Variants in KLHL13 observed in about 807,000 individuals in gnomAD.
The protein encoded by KLHL13 is kelch like family member 13.
In KLHL13, 10 loss-of-function variants were observed where a neutral mutation model predicts 37.1. The ratio of observed to expected loss-of-function variants is 0.27; its 90% CI spans 0.17 to 0.46. The LOEUF (loss-of-function observed/expected upper bound fraction) is 0.46. Among genes scored for constraint, KLHL13 ranks in the 20% least tolerant of loss-of-function variants. KLHL13 has a pLI of 1.00. For synonymous variants in KLHL13, 163 were observed against 181.2 expected, an observed-to-expected ratio of 0.90 and a Z score of 0.81; for missense variants, 360 against 509.3, an observed-to-expected ratio of 0.71 and a Z score of 2.82.
At chrX:118,098,199 C>G (rs2055236514) in intron 1 of KLHL13, among the ~76,000 whole-genome samples, 1 of 111,743 alleles carries the variant, frequency 8.9e-6, no homozygotes, top group African/African-American at 3.3e-5. Flanking sequence ...GGGCTAATAT[C>G]CAGAATCTAC....
At chrX:117,954,012 T>C (rs187800726) in intron 1 of KLHL13, among the ~76,000 whole-genome samples, 34 of 111,557 alleles carry the variant, frequency 3.0e-4, no homozygotes, top group Admixed American at 3.0e-3. Flanking sequence ...AAAGAACACA[T>C]TCTGAACTCT....
intron 1 of KLHL13, among the ~76,000 whole-genome samples, chrX:118,067,942 G>A (rs1004520092): frequency 1.8e-5 from 2 of 111,908 alleles, no homozygotes; most frequent in African/African-American, 6.5e-5. Context: ...CAAGTATTAT[G>A]TACTATATAT....
intron 2 of KLHL13, among the ~76,000 whole-genome samples, chrX:117,927,830 G>A (rs959519978): frequency 2.1e-4 from 24 of 111,666 alleles, no homozygotes; most frequent in African/African-American, 7.5e-4. Context: ...TAGGGATGGT[G>A]GTGGGTATAA....
At chrX:117,905,411 C>T (rs1323495962) in intron 5 of KLHL13, among the ~76,000 whole-genome samples, 2 of 111,307 alleles carry the variant, frequency 1.8e-5, no homozygotes, top group Non-Finnish European at 3.8e-5. Context: ...TAAGCCTCCC[C>T]TAGTTTCCCA....
At chrX:118,021,545 C>T (rs1156868360) in intron 1 of KLHL13, among the ~76,000 whole-genome samples, 5 of 109,921 alleles carry the variant, frequency 4.5e-5, no homozygotes, top group Non-Finnish European at 9.5e-5. Flanking sequence ...CAGCTTCATC[C>T]ATGTCCCTAC....
At chrX:117,945,654 C>T (rs1358153292) in intron 1 of KLHL13, 79 bp from the exon 3 acceptor site, 1 of 861,429 alleles carries the variant, frequency 1.2e-6, no homozygotes, top group Admixed American at 2.6e-5. Flanking sequence ...GAAAAATAAT[C>T]AGTCACTATT....
chrX:117,972,529 C>T (rs2053541402), intron 1 of KLHL13, among the ~76,000 whole-genome samples: 1 of 112,814 alleles, frequency 8.9e-6, no homozygotes, highest in African/African-American at 3.2e-5. Context: ...CCATTAAACA[C>T]TTTAAATAAA....
intron 1 of KLHL13, among the ~76,000 whole-genome samples, chrX:117,964,363 A>C (rs2053372726): frequency 8.9e-6 from 1 of 112,139 alleles, no homozygotes; most frequent in Non-Finnish European, 1.9e-5. Context: ...GCAAGAATTT[A>C]TTTAACCTGT....
At chrX:118,033,822 C>A (rs1166304141) in intron 1 of KLHL13, among the ~76,000 whole-genome samples, 34 of 109,417 alleles carry the variant, frequency 3.1e-4, no homozygotes, top group African/African-American at 1.1e-3. Context: ...CAAGACCCAT[C>A]ACTGTGCTGT....
chrX:118,106,716 A>G (rs1455459891), intron 1 of KLHL13, among the ~76,000 whole-genome samples: 1 of 111,642 alleles, frequency 9.0e-6, no homozygotes, highest in East Asian at 2.8e-4. Flanking sequence ...TTTGTCTGAC[A>G]TTGGAACTAA....
chrX:117,988,977 T>C (rs1314638215), intron 1 of KLHL13, among the ~76,000 whole-genome samples: 7 of 111,916 alleles, frequency 6.3e-5, no homozygotes, highest in Non-Finnish European at 1.1e-4. Context: ...AAGATATACA[T>C]GCCAGAACAT....
At chrX:118,046,791 C>G (rs984938494) in intron 1 of KLHL13, among the ~76,000 whole-genome samples, 2 of 111,213 alleles carry the variant, frequency 1.8e-5, no homozygotes, top group Admixed American at 9.6e-5. Flanking sequence ...ACAGAGAGAA[C>G]GGTAGGAGGG....
intron 2 of KLHL13, among the ~76,000 whole-genome samples, chrX:117,924,531 T>C (rs922301749): frequency 5.3e-5 from 6 of 112,489 alleles, no homozygotes; most frequent in Non-Finnish European, 1.1e-4. Flanking sequence ...TTGAAAGATT[T>C]ACATGAACAT....
chrX:117,930,034 A>T (rs1280780954), intron 2 of KLHL13, among the ~76,000 whole-genome samples: 1 of 109,153 alleles, frequency 9.2e-6, no homozygotes, highest in Non-Finnish European at 1.9e-5. Context: ...AAACCTACAG[A>T]TAACATCATA....
chrX:118,030,010 T>C (rs972409001), intron 1 of KLHL13, among the ~76,000 whole-genome samples: 2 of 109,885 alleles, frequency 1.8e-5, no homozygotes, highest in African/African-American at 6.6e-5. Flanking sequence ...AAAAAAGAAG[T>C]TATGTGAAGA....
In KLHL13 at chrX:118,115,474, T is replaced by C. The variant is rs760259690; in HGVS notation, c.-56+1034A>G. On this transcript the variant is annotated intron_variant, in intron 1 of 6. Coordinates refer to the KLHL13 transcript ENST00000371882. ...TTTATACAAACATGAAATCTACTGT[T>C]AAGAAACTGTGGCTTCAAAAAAAAG... Among the ~76,000 whole-genome samples the C allele has an allele frequency of 1.5e-4, 17 of 112,673 alleles. No individual in the cohort carries two copies. In the South Asian group the frequency reaches 6.2e-3, roughly 41 times the overall value.
chrX:117,975,130 TA>T (rs1370738348), upstream of KLHL13, among the ~76,000 whole-genome samples: 1 of 110,582 alleles, frequency 9.0e-6, no homozygotes, highest in Non-Finnish European at 1.9e-5. Context: ...GCCTCAGGTA[TA>T]ATCAGCAGGG....
intron 1 of KLHL13, among the ~76,000 whole-genome samples, chrX:118,066,362 A>ACAAT (rs2054793605): frequency 8.9e-6 from 1 of 112,062 alleles, no homozygotes; most frequent in Non-Finnish European, 1.9e-5. Context: ...AATGTCACTA[A>ACAAT]CAATCCCATG....
chrX:118,096,151 G>T (rs1234187181), intron 1 of KLHL13, among the ~76,000 whole-genome samples: 4 of 111,287 alleles, frequency 3.6e-5, no homozygotes, highest in African/African-American at 1.3e-4. Context: ...CTGGTTTTTT[G>T]AAAAGATCAT....
Sources: gnomAD v4.1 joint callset for allele counts (sites outside exome capture counted in the v4.1 genomes callset) on GRCh38, gnomAD v4.1.1 for gene constraint, MANE v1.5 for transcripts, NCBI Gene and HGNC (gene_info 2026-07-23, HGNC 2026-07-21) for gene names.